Variants in CELA1 observed in about 807,000 individuals in gnomAD.
CELA1 encodes chymotrypsin-like elastase family member 1.
In CELA1, 28 loss-of-function variants were observed where a neutral mutation model predicts 34.8. That is an observed-to-expected ratio of 0.80 (90% CI 0.60 to 1.10). The LOEUF is 1.10. Ranked by LOEUF, CELA1 falls within the 50% of genes least tolerant of loss-of-function variation. CELA1 has a pLI of 0.00. For synonymous variants in CELA1, 140 were observed against 129.8 expected (o/e 1.08, Z -0.53); for missense variants, 288 against 327.5 (o/e 0.88, Z 0.93).
At chr12:51,339,185 G>C (rs557760552) in intron 6 of CELA1, among the ~76,000 whole-genome samples, 1 of 152,288 alleles carries the variant, frequency 6.6e-6, no homozygotes, top group East Asian at 1.9e-4. Flanking sequence ...GTAAGAGGGA[G>C]CAGGGTACTG....
rs1946521909 is a variant in CELA1, at chr12:51,339,725, C to T, written c.609+135G>A. ...AGAATTACCAGCACAGGATCATTCT[C>T]ACTTAGACGCCAGAGTAGAAAATTG... On this transcript the variant is annotated intron_variant, in intron 6 of 7. Coordinates refer to ENST00000293636, the MANE Select transcript of CELA1 (RefSeq NM_001971.6). The T allele has an allele frequency of 8.7e-6, 7 of 804,594 alleles. No individual in the cohort carries two copies. The South Asian group carries it at 1.3e-4, about 15-fold the overall frequency. 49.8% of individuals were successfully genotyped at this position (804,594 alleles called of 1,614,324 possible).
intron 6 of CELA1, among the ~76,000 whole-genome samples, chr12:51,331,344 G>A (rs909047302): frequency 6.6e-6 from 1 of 152,184 alleles, no homozygotes; most frequent in African/African-American, 2.4e-5. Context: ...AGCTGAGATT[G>A]CACCACTGCA....
Position 51,328,527 on chromosome 12 carries a change from C to T in CELA1, c.*50G>A, listed in dbSNP as rs7138439. 1,084,633 of 1,599,722 alleles carry T rather than the reference C, an allele frequency of 0.68. 370,918 individuals are homozygous for T. Among genetic ancestry groups the T allele is most frequent in the South Asian group, 0.73 (66,370 of 90,762 alleles). On this transcript the variant is annotated 3_prime_UTR_variant, in exon 8 of 8. Transcript: ENST00000293636. ...TTTTACTTTTTGATCGCAAGTCCTA[C>T]TGCAGATCTAAGAACCATTTTGGGA...
intron 6 of CELA1, among the ~76,000 whole-genome samples, chr12:51,334,730 G>A (rs755879648): frequency 1.3e-5 from 2 of 152,174 alleles, no homozygotes; most frequent in Non-Finnish European, 2.9e-5. Flanking sequence ...CACTGCGCCT[G>A]GCCTAATCCT....
chr12:51,343,870 G>A lies in CELA1; in HGVS notation c.100-17C>T, dbSNP rs1946552019. ...GAGGGAAATCTAGATGGGGAGGAAA[G>A]AAAGAAGGGATAGGTTGGTGTTTCT... On this transcript the variant is annotated splice_polypyrimidine_tract_variant and intron_variant, in intron 2 of 7. Transcript: ENST00000293636. The A allele has an allele frequency of 7.3e-7, 1 of 1,370,844 alleles. No individual in the cohort carries two copies. The highest frequency in any genetic ancestry group is 1.7e-5 in the Admixed American group (1 of 58,126). The allele number at this position is 1,370,844 out of a possible 1,614,324, so 84.9% of individuals were successfully genotyped here.
rs1161184563 is a variant in CELA1 at position 51,339,936 on chromosome 12, C to G, written c.533G>C (p.Ser178Thr). ...CACAGTGGAGCCCCAGTAGGAGGAGCTGGAGCAGATGGCGTAGTCCACAGA... is the reference window on the plus strand; with the variant it reads ...CACAGTGGAGCCCCAGTAGGAGGAGGTGGAGCAGATGGCGTAGTCCACAGA... ...LPSVDYAICS[S>T]SSYWGSTVKN... Residue 178 changes from serine to threonine, a missense_variant, in exon 6 of 8, where the codon AGC becomes ACC. Ser to Thr is a moderately conservative substitution (Grantham distance 58). Transcript: ENST00000293636. The G allele has an allele frequency of 3.1e-6, 5 of 1,614,068 alleles. No homozygotes were observed. The highest frequency in any genetic ancestry group is 4.2e-6 in the Non-Finnish European group (5 of 1,180,028).
intron 5 of CELA1, 65 bp downstream of exon 5, chr12:51,341,179 G>A (rs948462051): frequency 1.3e-6 from 2 of 1,577,798 alleles, no homozygotes; most frequent in African/African-American, 1.3e-5. Flanking sequence ...AGAAAAAGGT[G>A]TCTTAGAAGC....
At chr12:51,330,668 A>G (rs1461083726) in intron 6 of CELA1, among the ~76,000 whole-genome samples, 4 of 152,222 alleles carry the variant, frequency 2.6e-5, no homozygotes, top group African/African-American at 7.2e-5. Flanking sequence ...AAGGATCACT[A>G]AACATCTAAA....
At position 51,343,810 on chromosome 12, in the gene CELA1, C is replaced by T; in HGVS notation, c.143G>A (p.Cys48Tyr). The T allele has an allele frequency of 1.2e-6, 2 of 1,610,870 alleles. No homozygotes were observed. Among genetic ancestry groups the T allele is most frequent in the Non-Finnish European group, 1.7e-6 (2 of 1,177,690 alleles). ...YRSGGSRYHT[C>Y]GGTLIRQNWV... ...GTTCTGTCTGATAAGGGTCCCTCCA[C>T]AGGTGTGATACCGGGAACCTCCAGA... Residue 48 changes from cysteine to tyrosine, a missense_variant, in exon 3 of 8, where the codon TGT becomes TAT. Physicochemically the swap from Cys to Tyr is radical, Grantham distance 194. Coordinates refer to ENST00000293636, the MANE Select transcript of CELA1 (RefSeq NM_001971.6).
chr12:51,334,762 C>T (rs1946491695), intron 6 of CELA1, among the ~76,000 whole-genome samples: 1 of 152,140 alleles, frequency 6.6e-6, no homozygotes, highest in East Asian at 1.9e-4. Flanking sequence ...TAGTTTCAGC[C>T]AGCCTGCCAG....
chr12:51,331,467 A>C (rs1463734997), intron 6 of CELA1, among the ~76,000 whole-genome samples: 2 of 152,232 alleles, frequency 1.3e-5, no homozygotes, highest in African/African-American at 4.8e-5. Context: ...CAACATTCAG[A>C]CAGCAAAAAG....
chr12:51,337,557 A>AAG (rs1946507664), intron 6 of CELA1, among the ~76,000 whole-genome samples: 2 of 151,276 alleles, frequency 1.3e-5, no homozygotes, highest in Admixed American at 1.3e-4. Flanking sequence ...AAAAAAAAAA[A>AAG]AAAAAGCAGC....
chr12:51,334,343 G>A (rs1946488973), intron 6 of CELA1, among the ~76,000 whole-genome samples: 1 of 152,176 alleles, frequency 6.6e-6, no homozygotes, highest in Admixed American at 6.5e-5. Flanking sequence ...ACTTTTAAAT[G>A]TTAATACCAG....
At position 51,340,843 on chromosome 12, in the gene CELA1, A is replaced by C. The variant is rs148821344; in HGVS notation, c.463+401T>G. On this transcript the variant is annotated intron_variant, in intron 5 of 7. Transcript: ENST00000293636. ...CAATATAGCGAGATCCCATCTCTACAAAAAAATTTAAAAATTAGCTGAGTG... is the reference window on the plus strand; with the variant it reads ...CAATATAGCGAGATCCCATCTCTACCAAAAAATTTAAAAATTAGCTGAGTG... 3.5e-3 allele frequency among the ~76,000 whole-genome samples: 537 copies of C among 152,262 alleles called. 2 individuals are homozygous for C. Among genetic ancestry groups the C allele is most frequent in the African/African-American group, 0.012 (518 of 41,568 alleles).
rs777190471 is a variant in CELA1, at chr12:51,343,870, GA to G, written c.100-18del. 1 of 1,370,966 alleles carries G rather than the reference GA, an allele frequency of 7.3e-7. No individual in the cohort carries two copies. Among genetic ancestry groups the G allele is most frequent in the Admixed American group, 1.7e-5 (1 of 58,146 alleles). The allele number at this position is 1,370,966 out of a possible 1,614,324, so 84.9% of individuals were successfully genotyped here. ...GAGGGAAATCTAGATGGGGAGGAAA[GA>G]AAGAAGGGATAGGTTGGTGTTTCTC... On this transcript the variant is annotated intron_variant, in intron 2 of 7. Transcript: ENST00000293636.
At chr12:51,343,146 G>A (rs1169632161) in intron 3 of CELA1, among the ~76,000 whole-genome samples, 4 of 152,152 alleles carry the variant, frequency 2.6e-5, no homozygotes, top group Non-Finnish European at 5.9e-5. Context: ...GAGGTGTAGT[G>A]CGCATAAATG....
intron 6 of CELA1, 22 bp from the exon 7 acceptor site, chr12:51,329,855 T>C: frequency 6.3e-7 from 1 of 1,576,714 alleles, no homozygotes; most frequent in Non-Finnish European, 8.6e-7. Flanking sequence ...AGAAACAGAA[T>C]CCTAAAACTC....
chr12:51,340,178 C>T (rs922859207), intron 5 of CELA1, among the ~76,000 whole-genome samples, 173 bp from the exon 6 acceptor site: 17 of 152,178 alleles, frequency 1.1e-4, no homozygotes, highest in Admixed American at 2.0e-4. Flanking sequence ...TATGGCCGCA[C>T]AGGACCCTTC....
intron 2 of CELA1, 63 bp from the exon 3 acceptor site, chr12:51,343,916 C>G (rs748099244): frequency 6.8e-6 from 6 of 877,204 alleles, no homozygotes; most frequent in Admixed American, 2.0e-5. Flanking sequence ...TGCCCCAGGT[C>G]GGTTGCAGTG....
Sources: allele counts gnomAD v4.1 joint callset (sites outside exome capture counted in the v4.1 genomes callset), GRCh38; gene constraint gnomAD v4.1.1; transcripts MANE v1.5; gene names NCBI Gene and HGNC (gene_info 2026-07-23, HGNC 2026-07-21).